The following ANO2 variants were observed in gnomAD, a reference collection of about 807,000 sequenced individuals.
ANO2 encodes anoctamin 2.
In ANO2, 101 loss-of-function variants were observed where a neutral mutation model predicts 124.2. That is an observed-to-expected ratio of 0.81 (90% CI 0.69 to 0.96). ANO2 has a LOEUF of 0.96. ANO2 is among the 40% of genes least tolerant of loss of function. The probability of loss-of-function intolerance (pLI) is 0.00; values close to 1 mark genes in which losing one functional copy is unlikely to be tolerated. For missense variants in ANO2, 1,293 were observed against 1,274.5 expected (o/e 1.01, Z -0.22); for synonymous variants, 486 against 482.5 (o/e 1.01, Z -0.09).
intron 7 of ANO2, among the ~76,000 whole-genome samples, chr12:5,813,963 A>G (rs1291313231): frequency 1.3e-5 from 2 of 152,038 alleles, no homozygotes; most frequent in East Asian, 1.9e-4. Context: ...ACTGGCACCC[A>G]CTTCTCCAGC....
At chr12:5,823,352 T>C (rs1953864080) in intron 7 of ANO2, among the ~76,000 whole-genome samples, 1 of 152,182 alleles carries the variant, frequency 6.6e-6, no homozygotes, top group Admixed American at 6.5e-5. Flanking sequence ...GCATGCTAGT[T>C]ACTTCCGAGA....
intron 19 of ANO2, among the ~76,000 whole-genome samples, chr12:5,607,789 G>A (rs1174839505): frequency 6.6e-6 from 1 of 152,202 alleles, no homozygotes; most frequent in African/African-American, 2.4e-5. Context: ...TCCAATGCCT[G>A]ATGATCTGTT....
At chr12:5,614,772 G>A (rs1944716720) in intron 17 of ANO2, among the ~76,000 whole-genome samples, 1 of 152,178 alleles carries the variant, frequency 6.6e-6, no homozygotes, top group Non-Finnish European at 1.5e-5. Flanking sequence ...TGCCACTGGT[G>A]TCTGAAATGA....
chr12:5,654,482 G>A (rs567071950), intron 14 of ANO2, among the ~76,000 whole-genome samples: 18 of 152,242 alleles, frequency 1.2e-4, no homozygotes, highest in Admixed American at 2.6e-4. Context: ...TCTGAGGAGC[G>A]GAGCTGAGGT....
At chr12:5,697,419 A>G (rs4930789) in intron 14 of ANO2, among the ~76,000 whole-genome samples, 20,908 of 152,176 alleles carry the variant, frequency 0.14, 1,534 homozygotes, top group Middle Eastern at 0.23. Flanking sequence ...GCAACAGAGC[A>G]AGACTCAGTC....
rs368965126 is a variant in ANO2, at chr12:5,922,697, G to C, written c.130C>G (p.Arg44Gly). The change falls in exon 2 of 25, where the codon CGG becomes GGG. Residue 44 changes from arginine to glycine, a missense_variant. Physicochemically the swap from Arg to Gly is moderately radical, Grantham distance 125. Coordinates refer to ENST00000682330, the MANE Select transcript of ANO2 (RefSeq NM_001364791.2). ...GQQCLKMPGP[R>G]APGLQGGSNR... is the part of the protein sequence containing the mutation. ...GAACCGCCCTGCAGACCTGGGGCCC[G>C]GGGACCTGGCATCTTGAGACACTGC... The C allele has an allele frequency of 6.3e-7, 1 of 1,578,424 alleles. No homozygotes were observed. The highest frequency in any genetic ancestry group is 8.6e-7 in the Non-Finnish European group (1 of 1,162,952).
intron 19 of ANO2, chr12:5,608,766 C>T (rs1355136374): frequency 1.3e-5 from 2 of 152,200 alleles, no homozygotes; most frequent in Non-Finnish European, 2.9e-5. Context: ...CTATTTTCAC[C>T]TGTTATGGGG....
At chr12:5,907,239 G>C (rs1940762597) in intron 3 of ANO2, among the ~76,000 whole-genome samples, 1 of 152,114 alleles carries the variant, frequency 6.6e-6, no homozygotes, top group Non-Finnish European at 1.5e-5. Context: ...CAGTGATATT[G>C]GTTCTCCATT....
intron 14 of ANO2, among the ~76,000 whole-genome samples, chr12:5,696,783 G>A (rs1949199110): frequency 1.3e-5 from 2 of 152,174 alleles, no homozygotes; most frequent in South Asian, 4.1e-4. Flanking sequence ...CGACCAAGTT[G>A]GCTTCTGTCA....
intron 3 of ANO2, among the ~76,000 whole-genome samples, chr12:5,873,612 G>C (rs1166096327): frequency 6.6e-6 from 1 of 152,234 alleles, no homozygotes; most frequent in Admixed American, 6.5e-5. Context: ...GGGCTGAACT[G>C]GAGAGTCCTC....
chr12:5,673,329 G>A (rs1948096243), intron 14 of ANO2, among the ~76,000 whole-genome samples: 1 of 152,138 alleles, frequency 6.6e-6, no homozygotes, highest in Non-Finnish European at 1.5e-5. Flanking sequence ...TTTGTCCTAG[G>A]TCCTTCCCGC....
chr12:5,625,415 A>G (rs1945347839), intron 16 of ANO2, among the ~76,000 whole-genome samples: 1 of 152,044 alleles, frequency 6.6e-6, no homozygotes, highest in Non-Finnish European at 1.5e-5. Flanking sequence ...CCAGGGAGAG[A>G]GAGAAAGAGA....
Position 5,635,327 on chromosome 12 carries a change from G to T in ANO2, c.1641C>A (p.Ile547=). The T allele has an allele frequency of 6.3e-7, 1 of 1,580,380 alleles. No homozygotes were observed. Among genetic ancestry groups the T allele is most frequent in the Non-Finnish European group, 8.6e-7 (1 of 1,167,510 alleles). ...ILFMIALTFS[I]VFGVIVYRIT... is the part of the protein sequence containing the mutation. ...TTCGATACACTATCACCCCAAAGAC[G>T]ATTGAGAATGTCAGGGCAATCTGTT... Residue 547 remains isoleucine, a synonymous_variant, in exon 16 of 25, where the codon ATC becomes ATA. Transcript: ENST00000682330. This position sits in a 1 kb window ranked among gnomAD's most constrained non-coding sequence, Gnocchi z 5.2.
intron 3 of ANO2, among the ~76,000 whole-genome samples, chr12:5,888,092 G>A (rs1164239432): frequency 6.6e-5 from 10 of 152,080 alleles, no homozygotes; most frequent in Non-Finnish European, 4.4e-5. Flanking sequence ...CGGGGTGTCC[G>A]GAGTCTGTTC....
chr12:5,923,081 T>TACACACACGCAC lies in ANO2; in HGVS notation c.23-278_23-277insGTGCGTGTGTGT, dbSNP rs762559906. On this transcript the variant is annotated intron_variant, in intron 1 of 24. Coordinates refer to ENST00000682330, the MANE Select transcript of ANO2 (RefSeq NM_001364791.2). ...CCACATACACACACACATGCACACATACACACACACACGCACACACATACA... is the reference window on the plus strand; with the variant it reads ...CCACATACACACACACATGCACACATACACACACGCACACACACACACACGCACACACATACA... Among the ~76,000 whole-genome samples the TACACACACGCAC allele has an allele frequency of 1.4e-4, 3 of 21,876 alleles. 1 individual carries two copies. The highest frequency in any genetic ancestry group is 7.3e-4 in the Admixed American group (1 of 1,362). The allele number at this position is 21,876 out of a possible 152,430, so 14.4% of individuals were successfully genotyped here.
rs1401451137 is a variant in ANO2, at chr12:5,900,817, A to G, written c.534+20223T>C. ...TAGAACTGGTGATGGCTGTTTGGAA[A>G]GAGTCAAGGCCAAGAGGGCAGGAAG... On this transcript the variant is annotated intron_variant, in intron 3 of 24. Transcript: ENST00000682330. The surrounding 1 kb of genome is among the most constrained non-coding windows in gnomAD (Gnocchi z 4.2). Among the ~76,000 whole-genome samples the G allele has an allele frequency of 6.6e-6, 1 of 151,902 alleles. No homozygotes were observed. The highest frequency in any genetic ancestry group is 1.9e-4 in the East Asian group (1 of 5,200).
rs766390592 is a variant in ANO2, at chr12:5,906,829, T to C, written c.534+14211A>G. Reference sequence around the variant, plus strand: ...AATAAATAAATAAATAAAAATAAAATAAATAGAAATAAAAATAAATTAGAA... The same window carrying C: ...AATAAATAAATAAATAAAAATAAAACAAATAGAAATAAAAATAAATTAGAA... On this transcript the variant is annotated intron_variant, in intron 3 of 24. Coordinates refer to ENST00000682330, the MANE Select transcript of ANO2 (RefSeq NM_001364791.2). Among the ~76,000 whole-genome samples, 239 of 150,868 alleles carry C rather than the reference T, an allele frequency of 1.6e-3. 1 individual carries two copies. The highest frequency in any genetic ancestry group is 5.6e-3 in the African/African-American group (229 of 40,776).
Position 5,862,084 on chromosome 12 carries a change from G to T in ANO2, c.535-7943C>A, listed in dbSNP as rs896466501. 2.6e-5 allele frequency among the ~76,000 whole-genome samples: 4 copies of T among 152,122 alleles called. No homozygotes were observed. Among genetic ancestry groups the T allele is most frequent in the African/African-American group, 7.2e-5 (3 of 41,416 alleles). On this transcript the variant is annotated intron_variant, in intron 3 of 24. Coordinates refer to ENST00000682330, the MANE Select transcript of ANO2 (RefSeq NM_001364791.2). The surrounding 1 kb of genome is among the most constrained non-coding windows in gnomAD (Gnocchi z 4.0). ...CTCTGATTCGGAGCAGGCTCTGCCT[G>T]GTCCTCCTGAGACACAGGGATTTGG...
chr12:5,572,046 C>T (rs1942158339), intron 23 of ANO2, among the ~76,000 whole-genome samples: 1 of 152,154 alleles, frequency 6.6e-6, no homozygotes, highest in Admixed American at 6.5e-5. Context: ...CAGTGTAACC[C>T]AATAGTCTTC....
Sources: gnomAD v4.1 joint callset for allele counts (sites outside exome capture counted in the v4.1 genomes callset) on GRCh38, gnomAD v4.1.1 for gene constraint, Gnocchi (gnomAD v3.1) non-coding constraint, MANE v1.5 for transcripts, NCBI Gene and HGNC (gene_info 2026-07-23, HGNC 2026-07-21) for gene names.